The following MEIS2 variants were observed in gnomAD, a reference collection of about 807,000 sequenced individuals.
The protein encoded by MEIS2 is Meis homeobox 2.
In MEIS2, 9 loss-of-function variants were observed where a neutral mutation model predicts 58.6. That is an observed-to-expected ratio of 0.15 (90% CI 0.09 to 0.27). The LOEUF (loss-of-function observed/expected upper bound fraction) is 0.27. Among genes scored for constraint, MEIS2 ranks in the 10% least tolerant of loss-of-function variants. The pLI is 1.00. For missense variants in MEIS2, 427 were observed against 635.0 expected, an observed-to-expected ratio of 0.67 and a Z score of 3.52; for synonymous variants, 221 against 228.4, an observed-to-expected ratio of 0.97 and a Z score of 0.29.
intron 1 of MEIS2, 185 bp from the exon 2 acceptor site, chr15:37,098,384 GAGAGA>G (rs1894622358): frequency 6.6e-6 from 5 of 753,358 alleles, no homozygotes; most frequent in Non-Finnish European, 8.0e-6. Context: ...GAGGGGGAGA[GAGAGA>G]GAGAGAGAGA....
chr15:37,034,951 A>G (rs148333243), intron 8 of MEIS2, among the ~76,000 whole-genome samples: 1 of 152,254 alleles, frequency 6.6e-6, no homozygotes, highest in African/African-American at 2.4e-5. Flanking sequence ...TCATCTATAA[A>G]CAGAGCAGCT....
chr15:37,035,258 C>T (rs931205149), intron 8 of MEIS2, among the ~76,000 whole-genome samples: 1 of 152,182 alleles, frequency 6.6e-6, no homozygotes, highest in Non-Finnish European at 1.5e-5. Flanking sequence ...AAATTAAAAA[C>T]ATTTTACAGG....
At chr15:37,025,164 T>C (rs1054790027) in intron 8 of MEIS2, among the ~76,000 whole-genome samples, 2 of 152,222 alleles carry the variant, frequency 1.3e-5, no homozygotes, top group African/African-American at 2.4e-5. Context: ...TCAGGTTTCA[T>C]GGAGCTATGA....
At chr15:36,993,970 T>G (rs1378507347) in intron 8 of MEIS2, among the ~76,000 whole-genome samples, 1 of 152,082 alleles carries the variant, frequency 6.6e-6, no homozygotes, top group Non-Finnish European at 1.5e-5. Flanking sequence ...GAAGTTGAGA[T>G]GATTTTCAGG....
chr15:36,922,061 G>A (rs1412728506), intron 9 of MEIS2, among the ~76,000 whole-genome samples: 1 of 152,144 alleles, frequency 6.6e-6, no homozygotes, highest in East Asian at 1.9e-4. Context: ...TTTTTGTCTG[G>A]CAAGTTTGCC....
At position 36,891,195 on chromosome 15, in the gene MEIS2, T is replaced by C. The variant is rs1043583333; in HGVS notation, c.*978A>G. On this transcript the variant is annotated 3_prime_UTR_variant, in exon 12 of 12. Transcript: ENST00000561208. ...CACGTGCTGAGAAAAGAAGAATTCA[T>C]GGACATACAATACCAATTCCACAGC... 6.6e-6 allele frequency: 1 copy of C among 152,540 alleles called. No homozygotes were observed. The highest frequency in any genetic ancestry group is 2.4e-5 in the African/African-American group (1 of 41,408). 9.4% of individuals were successfully genotyped at this position (152,540 alleles called of 1,614,324 possible).
chr15:37,011,331 T>A (rs2061143952), intron 8 of MEIS2, among the ~76,000 whole-genome samples: 1 of 152,226 alleles, frequency 6.6e-6, no homozygotes, highest in Non-Finnish European at 1.5e-5. Flanking sequence ...ATATAAGAGT[T>A]GCTTGGATAT....
chr15:37,028,372 T>A (rs1479474655), intron 8 of MEIS2, among the ~76,000 whole-genome samples: 1 of 152,204 alleles, frequency 6.6e-6, no homozygotes, highest in Non-Finnish European at 1.5e-5. Context: ...AGTCTTTCCA[T>A]GCAGAAGCCC....
intron 8 of MEIS2, among the ~76,000 whole-genome samples, chr15:36,969,854 C>A (rs1000933068): frequency 2.6e-5 from 4 of 152,122 alleles, no homozygotes; most frequent in Non-Finnish European, 5.9e-5. Context: ...ATGTAAATTG[C>A]AGCTCCTCGT....
At chr15:37,031,842 TG>T (rs2061941255) in intron 8 of MEIS2, among the ~76,000 whole-genome samples, 5 of 151,796 alleles carry the variant, frequency 3.3e-5, no homozygotes, top group South Asian at 2.1e-4. Flanking sequence ...TGTGTGTGTG[TG>T]TGTGTGTGTG....
At chr15:36,985,828 A>G (rs2060075112) in intron 8 of MEIS2, among the ~76,000 whole-genome samples, 1 of 152,200 alleles carries the variant, frequency 6.6e-6, no homozygotes, top group Non-Finnish European at 1.5e-5. Flanking sequence ...GGTTGGCACA[A>G]TTCCTGGTTC....
In MEIS2 at chr15:37,052,682, A is replaced by G. The variant is rs138001828; in HGVS notation, c.755-15723T>C. Among the ~76,000 whole-genome samples the G allele has an allele frequency of 3.9e-4, 59 of 152,356 alleles. 1 individual carries two copies. The highest frequency in any genetic ancestry group is 1.2e-3 in the African/African-American group (48 of 41,588). ...TAGATAATCGATAAAGGTTAGTTCC[A>G]TTCCATTCTCTTTTTCCTTCCTTCT... On this transcript the variant is annotated intron_variant, in intron 7 of 11. Coordinates refer to ENST00000561208, the MANE Select transcript of MEIS2 (RefSeq NM_170675.5).
At position 36,889,808 on chromosome 15, in the gene MEIS2, A is replaced by C. The variant is rs984038938; in HGVS notation, c.*2365T>G. The C allele has an allele frequency of 2.0e-5, 3 of 152,228 alleles. No individual in the cohort carries two copies. The highest frequency in any genetic ancestry group is 6.5e-5 in the Admixed American group (1 of 15,292). 9.4% of individuals were successfully genotyped at this position (152,228 alleles called of 1,614,324 possible). On this transcript the variant is annotated 3_prime_UTR_variant, in exon 12 of 12. Coordinates refer to ENST00000561208, the MANE Select transcript of MEIS2 (RefSeq NM_170675.5). ...TAAAGTAAAAATAGGCAAATATTTAAAATTTACAAAAAGACTTCATGTAAA... is the reference window on the plus strand; with the variant it reads ...TAAAGTAAAAATAGGCAAATATTTACAATTTACAAAAAGACTTCATGTAAA...
chr15:36,986,041 T>C (rs1191725139), intron 8 of MEIS2, among the ~76,000 whole-genome samples: 1 of 152,226 alleles, frequency 6.6e-6, no homozygotes, highest in African/African-American at 2.4e-5. Flanking sequence ...TGTGTTTTCA[T>C]GGGCATTGAG....
chr15:36,913,140 T>C (rs938364363), intron 9 of MEIS2, among the ~76,000 whole-genome samples: 1 of 152,244 alleles, frequency 6.6e-6, no homozygotes, highest in African/African-American at 2.4e-5. Context: ...ACATTTGGAA[T>C]GAGCTGCTTA....
chr15:37,083,190 G>A (rs1028663659), intron 7 of MEIS2, among the ~76,000 whole-genome samples: 1 of 152,074 alleles, frequency 6.6e-6, no homozygotes, highest in South Asian at 2.1e-4. Context: ...CTTGCCCTCT[G>A]ATTATTCTAA....
At chr15:36,942,815 C>T (rs78928931) in intron 9 of MEIS2, among the ~76,000 whole-genome samples, 6,822 of 152,020 alleles carry the variant, frequency 0.045, 315 homozygotes, top group East Asian at 0.17. Context: ...ACTGAAGATT[C>T]AGAACCAGGC....
intron 8 of MEIS2, among the ~76,000 whole-genome samples, chr15:36,958,200 C>T (rs943835374): frequency 5.3e-5 from 8 of 152,032 alleles, no homozygotes; most frequent in African/African-American, 1.7e-4. Flanking sequence ...ATACTGAGAG[C>T]CACAGTGGGA....
intron 7 of MEIS2, among the ~76,000 whole-genome samples, chr15:37,072,031 T>C (rs1890775073): frequency 3.9e-5 from 6 of 152,100 alleles, no homozygotes; most frequent in Non-Finnish European, 1.5e-5. Flanking sequence ...CTTTGTCCTC[T>C]TCCTTTCTCC....
Sources: gnomAD v4.1 joint callset for allele counts (sites outside exome capture counted in the v4.1 genomes callset) on GRCh38, gnomAD v4.1.1 for gene constraint, MANE v1.5 for transcripts, NCBI Gene and HGNC (gene_info 2026-07-23, HGNC 2026-07-21) for gene names.